Variants in WDR72 observed in about 807,000 individuals in gnomAD.
WDR72 encodes WD repeat domain 72, also known as WD repeat-containing protein 72.
Under a neutral mutation model 124.2 loss-of-function variants are expected in WDR72, and 120 were observed. That is an observed-to-expected ratio of 0.97 (90% CI 0.83 to 1.12). The LOEUF is 1.12. Ranked by LOEUF, WDR72 falls within the 50% of genes most tolerant of loss-of-function variation. WDR72 has a pLI of 0.00. For synonymous variants in WDR72, 452 were observed against 441.7 expected, an observed-to-expected ratio of 1.02 and a Z score of -0.29; for missense variants, 1,387 against 1,278.8, an observed-to-expected ratio of 1.08 and a Z score of -1.29.
At chr15:53,571,738 T>A (rs1238541660) in intron 18 of WDR72, among the ~76,000 whole-genome samples, 6 of 151,542 alleles carry the variant, frequency 4.0e-5, no homozygotes, top group Non-Finnish European at 8.8e-5. Flanking sequence ...CCCAGCAGTG[T>A]GATTGCTGAA....
In WDR72 at chr15:53,513,910, A is replaced by C. The variant is rs1283148261; in HGVS notation, c.*3789T>G. ...TCCCATTAGACACATGCTGTCTTCC[A>C]GGGGTCCCAAATTGGATGGGTGTTT... On this transcript the variant is annotated 3_prime_UTR_variant, in exon 20 of 20. Coordinates refer to ENST00000360509, the MANE Select transcript of WDR72 (RefSeq NM_182758.4). The C allele has an allele frequency of 6.6e-6, 1 of 152,176 alleles. No homozygotes were observed. Among genetic ancestry groups the C allele is most frequent in the Non-Finnish European group, 1.5e-5 (1 of 68,034 alleles). The allele number at this position is 152,176 out of a possible 1,614,324, so 9.4% of individuals were successfully genotyped here. A position where few individuals can be genotyped will look rare whatever the true frequency, so the allele number is the denominator to read the frequency against.
chr15:53,727,004 T>G (rs973144638), intron 2 of WDR72, among the ~76,000 whole-genome samples: 1 of 152,014 alleles, frequency 6.6e-6, no homozygotes, highest in African/African-American at 2.4e-5. Flanking sequence ...TGGAGAAAGT[T>G]GTCAATAATA....
chr15:53,529,164 A>ATATATTT lies in WDR72; in HGVS notation c.3149-5843_3149-5842insAAATATA, dbSNP rs59003623. On this transcript the variant is annotated intron_variant, in intron 18 of 19. Coordinates refer to ENST00000360509, the MANE Select transcript of WDR72 (RefSeq NM_182758.4). ...TTAGCCCATATATATATATATATAT[A>ATATATTT]TTTTTTTTTTTTTTTTTAAAAGAAT... Among the ~76,000 whole-genome samples, 156 of 78,152 alleles carry ATATATTT rather than the reference A, an allele frequency of 2.0e-3. 1 individual carries two copies. The highest frequency in any genetic ancestry group is 4.4e-3 in the Admixed American group (32 of 7,256). The allele number at this position is 78,152 out of a possible 152,430, so 51.3% of individuals were successfully genotyped here. A position where few individuals can be genotyped will look rare whatever the true frequency, so the allele number is the denominator to read the frequency against.
At chr15:53,623,802 T>C (rs1263374343) in intron 14 of WDR72, among the ~76,000 whole-genome samples, 3 of 152,152 alleles carry the variant, frequency 2.0e-5, no homozygotes, top group African/African-American at 7.2e-5. Flanking sequence ...CTTACAAATA[T>C]ACACTGTATA....
Position 53,517,091 on chromosome 15 carries a change from C to A in WDR72, c.*608G>T, listed in dbSNP as rs574919890. On this transcript the variant is annotated 3_prime_UTR_variant, in exon 20 of 20. Coordinates refer to ENST00000360509, the MANE Select transcript of WDR72 (RefSeq NM_182758.4). The stretch of plus-strand genomic sequence containing the variant: ...ATTAACTCAACAGTACAAGGTTGGT[C>A]ACTGTTATACTTTGTATCTCTTATT... 1 of 155,634 alleles carries A rather than the reference C, an allele frequency of 6.4e-6. No homozygotes were observed. Among genetic ancestry groups the A allele is most frequent in the East Asian group, 1.9e-4 (1 of 5,316 alleles). The allele number at this position is 155,634 out of a possible 1,614,324, so 9.6% of individuals were successfully genotyped here. A position where few individuals can be genotyped will look rare whatever the true frequency, so the allele number is the denominator to read the frequency against.
chr15:53,521,753 C>A (rs576907353), intron 19 of WDR72, among the ~76,000 whole-genome samples: 100 of 152,112 alleles, frequency 6.6e-4, no homozygotes, highest in Non-Finnish European at 1.1e-3. Flanking sequence ...AAACCTGATT[C>A]ACAGATTTAC....
chr15:53,740,526 G>T (rs889550849), intron 1 of WDR72, among the ~76,000 whole-genome samples: 2 of 152,038 alleles, frequency 1.3e-5, no homozygotes, highest in African/African-American at 4.8e-5. Flanking sequence ...TCAATCTCCT[G>T]ACCTCGTGAT....
At chr15:53,669,232 G>C (rs2015906340) in intron 13 of WDR72, among the ~76,000 whole-genome samples, 1 of 152,104 alleles carries the variant, frequency 6.6e-6, no homozygotes, top group South Asian at 2.1e-4. Flanking sequence ...AGCGCCTCCA[G>C]CAAGACATCT....
chr15:53,661,540 C>A (rs893216694), intron 14 of WDR72, among the ~76,000 whole-genome samples: 1 of 152,136 alleles, frequency 6.6e-6, no homozygotes, highest in African/African-American at 2.4e-5. Flanking sequence ...CAAATTTCAA[C>A]GTAAGGTTGG....
In WDR72 at chr15:53,702,227, G is replaced by T. The variant is rs199536228; in HGVS notation, c.1476C>A (p.Ile492=). The T allele has an allele frequency of 2.5e-6, 4 of 1,614,060 alleles. No individual in the cohort carries two copies. In the East Asian group the frequency reaches 8.9e-5, roughly 36 times the overall value. Residue 492 remains isoleucine, a synonymous_variant, in exon 12 of 20, where the codon ATC becomes ATA. Transcript: ENST00000360509. ...MLSGDLDSCV[I]LWDIFTEEIL... Reference sequence around the variant, plus strand: ...TTTCTTCAGTAAAGATATCCCACAAGATCACACATGAGTCCAGGTCCCCAG... The same window carrying T: ...TTTCTTCAGTAAAGATATCCCACAATATCACACATGAGTCCAGGTCCCCAG...
chr15:53,574,855 G>A (rs1016476256), intron 18 of WDR72, among the ~76,000 whole-genome samples: 1 of 151,928 alleles, frequency 6.6e-6, no homozygotes, highest in Non-Finnish European at 1.5e-5. Flanking sequence ...TGGGTGGGGT[G>A]AGATAGGAGG....
chr15:53,605,005 T>C lies in WDR72; in HGVS notation c.2952+4508A>G, dbSNP rs1031771292. Among the ~76,000 whole-genome samples the C allele has an allele frequency of 2.6e-5, 4 of 152,202 alleles. No homozygotes were observed. In the East Asian group the frequency reaches 7.7e-4, roughly 29 times the overall value. The stretch of plus-strand genomic sequence containing the variant: ...ATTAGTGGATATATACCCAAAGGAA[T>C]ATAAATCATTCTATTATAAAGACAC... On this transcript the variant is annotated intron_variant, in intron 17 of 19. Transcript: ENST00000360509.
At chr15:53,679,016 C>T (rs999263943) in intron 13 of WDR72, among the ~76,000 whole-genome samples, 10 of 152,198 alleles carry the variant, frequency 6.6e-5, no homozygotes, top group Admixed American at 5.9e-4. Context: ...ATGGATGAAA[C>T]TTGAAGTCCT....
intron 1 of WDR72, among the ~76,000 whole-genome samples, chr15:53,742,316 T>C (rs2018531634): frequency 6.6e-6 from 1 of 152,186 alleles, no homozygotes; most frequent in African/African-American, 2.4e-5. Flanking sequence ...TATTAAAAAC[T>C]CTCTATAGAA....
intron 1 of WDR72, among the ~76,000 whole-genome samples, chr15:53,749,598 A>C (rs1279675973): frequency 2.0e-5 from 3 of 152,122 alleles, no homozygotes; most frequent in African/African-American, 4.8e-5. Flanking sequence ...TCTCACCTTA[A>C]ATCAAAGCCA....
chr15:53,616,245 T>C lies in WDR72; in HGVS notation c.1963-2A>G. 1 of 1,597,102 alleles carries C rather than the reference T, an allele frequency of 6.3e-7. No homozygotes were observed. The highest frequency in any genetic ancestry group is 8.5e-7 in the Non-Finnish European group (1 of 1,176,878). On this transcript the variant is annotated splice_acceptor_variant, in intron 14 of 19. Coordinates refer to ENST00000360509, the MANE Select transcript of WDR72 (RefSeq NM_182758.4). LOFTEE classifies it high-confidence loss of function. Reference sequence around the variant, plus strand: ...TGGGCAAAATTTGGCATCAGTAACCTAAGGGAACAAAAAATATTTGTGTCA... The same window carrying C: ...TGGGCAAAATTTGGCATCAGTAACCCAAGGGAACAAAAAATATTTGTGTCA...
At chr15:53,750,385 G>T (rs575048560) in intron 1 of WDR72, among the ~76,000 whole-genome samples, 1 of 152,032 alleles carries the variant, frequency 6.6e-6, no homozygotes, top group Non-Finnish European at 1.5e-5. Flanking sequence ...GAGATCTACT[G>T]CTCAGAAAAA....
rs114102592 is a variant in WDR72, at chr15:53,736,938, T to G, written c.-12-3777A>C. On this transcript the variant is annotated intron_variant, in intron 1 of 19. Transcript: ENST00000360509. ...AAATATGGAAAGGAAAAAACTTGAA[T>G]GATCCCTGTGGTACTGGAGTCGAAT... Among the ~76,000 whole-genome samples, 352 of 151,486 alleles carry G rather than the reference T, an allele frequency of 2.3e-3. 2 individuals carry two copies. The highest frequency in any genetic ancestry group is 7.8e-3 in the African/African-American group (322 of 41,274).
intron 19 of WDR72, among the ~76,000 whole-genome samples, chr15:53,520,474 G>T (rs1372764488): frequency 6.6e-6 from 1 of 151,992 alleles, no homozygotes; most frequent in Non-Finnish European, 1.5e-5. Context: ...GTAAGAATGT[G>T]CATTCAGAAT....
Sources: allele counts gnomAD v4.1 joint callset (sites outside exome capture counted in the v4.1 genomes callset), GRCh38; gene constraint gnomAD v4.1.1; transcripts MANE v1.5; gene names NCBI Gene and HGNC (gene_info 2026-07-23, HGNC 2026-07-21).